Variants in KLHL5 observed in about 807,000 individuals in gnomAD.
KLHL5 encodes the protein kelch-like protein 5.
Under a neutral mutation model 77.7 loss-of-function variants are expected in KLHL5, and 48 were observed. The ratio of observed to expected loss-of-function variants is 0.62; its 90% CI spans 0.49 to 0.79. The LOEUF is 0.79. Among genes scored for constraint, KLHL5 ranks in the 30% least tolerant of loss-of-function variants. The probability of loss-of-function intolerance (pLI) is 0.00; values close to 1 mark genes in which losing one functional copy is unlikely to be tolerated. For synonymous variants in KLHL5, 260 were observed against 297.0 expected, an observed-to-expected ratio of 0.88 and a Z score of 1.28; for missense variants, 723 against 859.7, an observed-to-expected ratio of 0.84 and a Z score of 1.99.
intron 7 of KLHL5, among the ~76,000 whole-genome samples, chr4:39,107,071 G>A (rs894754019): frequency 1.5e-5 from 2 of 137,430 alleles, no homozygotes; most frequent in African/African-American, 2.8e-5. Flanking sequence ...TTTTTGAGAC[G>A]GAGTCTCACT....
At chr4:39,082,593 A>G (rs1414153554) in intron 4 of KLHL5, among the ~76,000 whole-genome samples, 2 of 152,248 alleles carry the variant, frequency 1.3e-5, no homozygotes, top group Admixed American at 6.5e-5. Context: ...CTGACTATGT[A>G]TAAACTATTT....
rs761651398 is a variant in KLHL5, at chr4:39,086,563, G to A, written c.949G>A (p.Ala317Thr). The A allele has an allele frequency of 1.9e-6, 3 of 1,613,936 alleles. No homozygotes were observed. Among genetic ancestry groups the A allele is most frequent in the Non-Finnish European group, 2.5e-6 (3 of 1,179,908 alleles). The change falls in exon 5 of 11, where the codon GCC becomes ACC. Residue 317 changes from alanine to threonine, a missense_variant. Around this residue, in one of 3 missense-constraint regions of KLHL5, gnomAD observed 288 missense variants for 400.3 expected, o/e 0.72. Coordinates refer to ENST00000504108, the MANE Select transcript of KLHL5 (RefSeq NM_015990.5). The part of the protein sequence containing the change: ...IRNQEFVLLP[A>T]SEIAKLLASD... Reference sequence around the variant, plus strand: ...AAACCAGGAATTTGTATTATTACCAGCCAGCGAAATTGCAAAGCTCTTGGC... The same window carrying A: ...AAACCAGGAATTTGTATTATTACCAACCAGCGAAATTGCAAAGCTCTTGGC...
At chr4:39,065,211 G>A (rs976693175) in intron 1 of KLHL5, among the ~76,000 whole-genome samples, 105 of 152,172 alleles carry the variant, frequency 6.9e-4, no homozygotes, top group African/African-American at 2.4e-3. Context: ...CACCCTGGCT[G>A]AGTCTTTGAC....
At chr4:39,075,817 G>A in intron 1 of KLHL5, 148 bp from the exon 2 acceptor site, 1 of 631,156 alleles carries the variant, frequency 1.6e-6, no homozygotes, top group South Asian at 2.1e-5. Context: ...ATTTTTAAGA[G>A]ACTAAAATGA....
downstream of KLHL5, among the ~76,000 whole-genome samples, chr4:39,126,410 T>C (rs957991126): frequency 6.6e-6 from 1 of 152,008 alleles, no homozygotes; most frequent in African/African-American, 2.4e-5. Flanking sequence ...TGTAGGAGAG[T>C]ACCGTGTTTT....
chr4:39,114,439 A>G (rs1722686831), intron 9 of KLHL5, among the ~76,000 whole-genome samples: 1 of 149,226 alleles, frequency 6.7e-6, no homozygotes, highest in African/African-American at 2.4e-5. Context: ...ACCTCCCAAC[A>G]CTATTACATT....
intron 5 of KLHL5, among the ~76,000 whole-genome samples, chr4:39,088,900 G>C (rs974216326): frequency 6.6e-6 from 1 of 152,014 alleles, no homozygotes; most frequent in Non-Finnish European, 1.5e-5. Flanking sequence ...GAAATAAAAG[G>C]GGATAAAGTA....
intron 8 of KLHL5, among the ~76,000 whole-genome samples, chr4:39,112,269 C>T (rs994373609): frequency 1.3e-5 from 2 of 152,172 alleles, no homozygotes; most frequent in Non-Finnish European, 2.9e-5. Flanking sequence ...TTAGGTTGCT[C>T]ACATGATAAC....
At chr4:39,093,863 G>A (rs1020002756) in intron 5 of KLHL5, among the ~76,000 whole-genome samples, 59 of 151,516 alleles carry the variant, frequency 3.9e-4, no homozygotes, top group African/African-American at 1.3e-3. Flanking sequence ...CTGAGATTGC[G>A]CCACCACACT....
At chr4:39,112,920 G>A in intron 8 of KLHL5, 100 bp from the exon 9 acceptor site, 2 of 1,001,232 alleles carry the variant, frequency 2.0e-6, no homozygotes, top group Non-Finnish European at 1.5e-6. Flanking sequence ...TATAACTGAT[G>A]GCACCTTAAA....
the KLHL5 span, among the ~76,000 whole-genome samples, chr4:39,132,674 C>T: frequency 6.6e-6 from 1 of 151,966 alleles, no homozygotes; most frequent in African/African-American, 2.4e-5. Flanking sequence ...CATTTTCTAC[C>T]AGTCAAGGAA....
At chr4:39,074,164 A>G (rs1718780861) in intron 1 of KLHL5, among the ~76,000 whole-genome samples, 1 of 152,200 alleles carries the variant, frequency 6.6e-6, no homozygotes. Flanking sequence ...AGTAATATTC[A>G]TAGTGTACAA....
At chr4:39,136,170 A>AT in the KLHL5 span, among the ~76,000 whole-genome samples, 6,803 of 149,966 alleles carry the variant, frequency 0.045, 477 homozygotes, top group African/African-American at 0.15. Flanking sequence ...AATAATAATA[A>AT]TTTTTTTTTT....
At chr4:39,067,120 G>T (rs1717957297) in intron 1 of KLHL5, among the ~76,000 whole-genome samples, 1 of 151,966 alleles carries the variant, frequency 6.6e-6, no homozygotes, top group Non-Finnish European at 1.5e-5. Flanking sequence ...CTTACCTAAT[G>T]CCCTTTTTCT....
At chr4:39,049,157 TAAATC>T (rs1716436286) in intron 1 of KLHL5, among the ~76,000 whole-genome samples, 1 of 152,138 alleles carries the variant, frequency 6.6e-6, no homozygotes, top group South Asian at 2.1e-4. Flanking sequence ...AGAATCTAAA[TAAATC>T]AAAAGCCAAA....
intron 4 of KLHL5, among the ~76,000 whole-genome samples, chr4:39,085,791 G>T (rs1315891515): frequency 6.6e-6 from 1 of 151,782 alleles, no homozygotes; most frequent in East Asian, 1.9e-4. Flanking sequence ...TCCACCTTTG[G>T]TCCTTTTTCC....
At chr4:39,060,484 A>G (rs1372062821), upstream of KLHL5, among the ~76,000 whole-genome samples, 1 of 130,732 alleles carries the variant, frequency 7.6e-6, no homozygotes, top group Non-Finnish European at 1.6e-5. Context: ...AGAAGCCTTT[A>G]GGAGCAGGTT....
Position 39,121,025 on chromosome 4 carries a change from C to T in KLHL5, c.2089C>T (p.Leu697=). 2 of 1,613,412 alleles carry T rather than the reference C, an allele frequency of 1.2e-6. No individual in the cohort carries two copies. Among genetic ancestry groups the T allele is most frequent in the Non-Finnish European group, 1.7e-6 (2 of 1,179,452 alleles). ...TCCTTTTTAGGTTGCTCCACTGTGCCTAGGAAGAGCTGGAGCTTGTGTTGT... is the reference window on the plus strand; with the variant it reads ...TCCTTTTTAGGTTGCTCCACTGTGCTTAGGAAGAGCTGGAGCTTGTGTTGT... ...NEWTQVAPLC[L]GRAGACVVTV... The change falls in exon 11 of 11, where the codon CTA becomes TTA. Residue 697 remains leucine (L), a synonymous_variant. Transcript: ENST00000504108.
intron 1 of KLHL5, among the ~76,000 whole-genome samples, chr4:39,072,433 AGAGTT>A (rs1344551519): frequency 1.3e-5 from 2 of 152,176 alleles, no homozygotes; most frequent in Non-Finnish European, 2.9e-5. Context: ...TGACAGAGTG[AGAGTT>A]GAACCGAGGT....
Sources: gnomAD v4.1 joint callset for allele counts (sites outside exome capture counted in the v4.1 genomes callset) on GRCh38, gnomAD v4.1.1 for gene constraint, gnomAD v4.1.1 regional missense constraint, MANE v1.5 for transcripts, NCBI Gene and HGNC (gene_info 2026-07-23, HGNC 2026-07-21) for gene names.